CD101: variants seen among roughly 807,000 people sequenced by gnomAD.
CD101 encodes the protein CD101 molecule.
In CD101, 76 loss-of-function variants were observed where a neutral mutation model predicts 98.2. That is an observed-to-expected ratio of 0.77 (90% CI 0.64 to 0.94). The LOEUF (loss-of-function observed/expected upper bound fraction) is 0.94, where lower values mean the gene tolerates loss of function less well. Among genes scored for constraint, CD101 ranks in the 40% least tolerant of loss-of-function variants. The pLI, the probability that CD101 is intolerant of heterozygous loss-of-function variation, is 0.00. For missense variants in CD101, 1,145 were observed against 1,218.8 expected, an observed-to-expected ratio of 0.94 and a Z score of 0.90; for synonymous variants, 471 against 472.7, an observed-to-expected ratio of 1.00 and a Z score of 0.05.
intron 1 of CD101, among the ~76,000 whole-genome samples, 153 bp from the exon 2 acceptor site, chr1:117,009,697 C>T (rs570833595): frequency 1.3e-5 from 2 of 152,298 alleles, no homozygotes; most frequent in South Asian, 4.1e-4. Context: ...TGCTGCTCAG[C>T]CTGAAGAAGA....
At chr1:117,034,532 G>A (rs1250625427) in intron 9 of CD101, among the ~76,000 whole-genome samples, 1 of 152,126 alleles carries the variant, frequency 6.6e-6, no homozygotes, top group African/African-American at 2.4e-5. Context: ...AGGACCTGAT[G>A]CCAGCAAGGA....
chr1:117,029,970 A>T (rs910486961), intron 8 of CD101, among the ~76,000 whole-genome samples: 28 of 152,250 alleles, frequency 1.8e-4, no homozygotes, highest in African/African-American at 4.6e-4. Context: ...GACCCTAGAC[A>T]TTAAATGTCT....
intron 1 of CD101, among the ~76,000 whole-genome samples, chr1:117,002,631 A>G (rs1557761697): frequency 6.6e-6 from 1 of 152,268 alleles, no homozygotes; most frequent in Non-Finnish European, 1.5e-5. Flanking sequence ...AATGCATAAA[A>G]TAAAATGCAT....
At chr1:117,030,363 AG>A (rs1654369165) in intron 8 of CD101, among the ~76,000 whole-genome samples, 1 of 151,334 alleles carries the variant, frequency 6.6e-6, no homozygotes, top group Non-Finnish European at 1.5e-5. Context: ...TCTGGATGAC[AG>A]AGCAAGACAC....
Position 117,022,038 on chromosome 1 carries a change from C to T in CD101, c.2428+55C>T. On this transcript the variant is annotated intron_variant, in intron 7 of 9. Transcript: ENST00000682167. The surrounding 1 kb of genome is among the most constrained non-coding windows in gnomAD (Gnocchi z 4.8). ...TCTGTCTGTCTGACGGCTGTTTTCT[C>T]TTGGGCAGCTGTTCTATGGAGTGAT... 7 of 1,535,134 alleles carry T rather than the reference C, an allele frequency of 4.6e-6. No individual in the cohort carries two copies. In the South Asian group the frequency reaches 9.0e-5, roughly 20 times the overall value.
rs1653269552 is a variant in CD101 at position 117,017,119 on chromosome 1, A to G, written c.1258A>G (p.Lys420Glu). ...ARSVVMSTKN[K>E]QQVVWEGETL... Reference sequence around the variant, plus strand: ...AAGTGTGGTCATGTCTACCAAGAACAAGCAGCAAGTTGTGTGGGAAGGAGA... The same window carrying G: ...AAGTGTGGTCATGTCTACCAAGAACGAGCAGCAAGTTGTGTGGGAAGGAGA... The change falls in exon 5 of 10, where the codon AAG becomes GAG. Residue 420 changes from lysine to glutamate, a missense_variant. Physicochemically the swap from Lys to Glu is moderately conservative, Grantham distance 56. Transcript: ENST00000682167. 6.2e-7 allele frequency: 1 copy of G among 1,614,152 alleles called. No homozygotes were observed.
chr1:117,010,040 T>TGCC lies in CD101; in HGVS notation c.235_237dup (p.Ala79dup). 2 of 1,614,220 alleles carry TGCC rather than the reference T, an allele frequency of 1.2e-6. No homozygotes were observed. Among genetic ancestry groups the TGCC allele is most frequent in the East Asian group, 4.5e-5 (2 of 44,888 alleles). ...TCCAGATCATTAGCACCAAGGATGC[T>TGCC]GCCTTCTCTTACGCAGTATATACGC... On this transcript the variant is annotated inframe_insertion, in exon 2 of 10. Transcript: ENST00000682167. The surrounding 1 kb of genome is among the most constrained non-coding windows in gnomAD (Gnocchi z 5.2).
intron 8 of CD101, chr1:117,032,008 G>A (rs10494195): frequency 0.075 from 11,417 of 152,200 alleles, 466 homozygotes; most frequent in Non-Finnish European, 0.088. Flanking sequence ...AGATAAGACC[G>A]GGGGAGAATA....
chr1:117,022,449 A>G lies in CD101; in HGVS notation c.2428+466A>G, dbSNP rs1653643113. ...TAGCTGCCTAAACATAAGGCAAATA[A>G]GAGTAGTTAACTGTTGGAATGGCTT... On this transcript the variant is annotated intron_variant, in intron 7 of 9. Transcript: ENST00000682167. The surrounding 1 kb of genome is among the most constrained non-coding windows in gnomAD (Gnocchi z 4.8). Among the ~76,000 whole-genome samples the G allele has an allele frequency of 6.6e-6, 1 of 152,190 alleles. No homozygotes were observed. The highest frequency in any genetic ancestry group is 2.4e-5 in the African/African-American group (1 of 41,442).
At chr1:117,035,288 T>G (rs971368865) in intron 9 of CD101, among the ~76,000 whole-genome samples, 1 of 152,198 alleles carries the variant, frequency 6.6e-6, no homozygotes, top group Non-Finnish European at 1.5e-5. Flanking sequence ...CTCGTTAATT[T>G]GCATTTCCAA....
chr1:117,028,107 A>T (rs999330269), intron 8 of CD101, among the ~76,000 whole-genome samples: 2 of 148,160 alleles, frequency 1.3e-5, no homozygotes, highest in South Asian at 2.1e-4. Flanking sequence ...ATAAATAAAT[A>T]AAATAAAATA....
At chr1:117,015,334 A>G (rs1291199178) in intron 4 of CD101, among the ~76,000 whole-genome samples, 1 of 152,198 alleles carries the variant, frequency 6.6e-6, no homozygotes, top group African/African-American at 2.4e-5. Context: ...AATGGCCACA[A>G]TGAACTAAGG....
At chr1:117,024,293 A>G (rs1366887288) in intron 7 of CD101, among the ~76,000 whole-genome samples, 1 of 152,172 alleles carries the variant, frequency 6.6e-6, no homozygotes, top group East Asian at 1.9e-4. Flanking sequence ...CCTGGCCAAC[A>G]TGGTGAAACC....
At chr1:117,014,338 G>A (rs1460657156) in intron 4 of CD101, among the ~76,000 whole-genome samples, 1 of 152,034 alleles carries the variant, frequency 6.6e-6, no homozygotes, top group Non-Finnish European at 1.5e-5. Context: ...GTTGCCTTCT[G>A]TTAGTCTCCT....
chr1:117,009,906 G>T lies in CD101; in HGVS notation c.100G>T (p.Ala34Ser), dbSNP rs1652777788. Residue 34 changes from alanine to serine, a missense_variant, in exon 2 of 10, where the codon GCT becomes TCT. Coordinates refer to ENST00000682167, the MANE Select transcript of CD101 (RefSeq NM_001256106.3). ...AGTTCAGAAAGGACCACTGTTTAGA[G>T]CTGAAGGTTACCCAGTCAGCATTGG... is the stretch of plus-strand genomic sequence containing the variant. ...VTVQKGPLFR[A>S]EGYPVSIGCN... The T allele has an allele frequency of 1.2e-6, 2 of 1,613,918 alleles. No homozygotes were observed. The highest frequency in any genetic ancestry group is 1.7e-5 in the Admixed American group (1 of 60,026).
In CD101 at chr1:117,021,706, T is replaced by C; in HGVS notation, c.2151T>C (p.Pro717=). Residue 717 remains proline (P), a synonymous_variant, in exon 7 of 10, where the codon CCT becomes CCC. Transcript: ENST00000682167. This position sits in a 1 kb window ranked among gnomAD's most constrained non-coding sequence, Gnocchi z 4.7. ...TAGCCATTATTTGGTATTTTTCTCC[T>C]GTTTCCACTAATGCCTCTTGGCTAA... is the stretch of plus-strand genomic sequence containing the variant. ...LQLAIIWYFS[P]VSTNASWLKI... The C allele has an allele frequency of 6.2e-7, 1 of 1,614,230 alleles. No homozygotes were observed. Among genetic ancestry groups the C allele is most frequent in the Non-Finnish European group, 8.5e-7 (1 of 1,180,036 alleles).
At chr1:117,025,308 A>G (rs1653836301) in intron 7 of CD101, among the ~76,000 whole-genome samples, 1 of 152,234 alleles carries the variant, frequency 6.6e-6, no homozygotes, top group Admixed American at 6.5e-5. Flanking sequence ...GGTTGCAGTG[A>G]GCTGAGATCA....
chr1:117,011,856 A>C lies in CD101; in HGVS notation c.731A>C (p.Gln244Pro). The C allele has an allele frequency of 6.2e-7, 1 of 1,614,092 alleles. No homozygotes were observed. Among genetic ancestry groups the C allele is most frequent in the Non-Finnish European group, 8.5e-7 (1 of 1,179,982 alleles). Residue 244 changes from glutamine (Q) to proline (P), a missense_variant, in exon 3 of 10, where the codon CAG (glutamine) becomes CCG (proline). Coordinates refer to ENST00000682167, the MANE Select transcript of CD101 (RefSeq NM_001256106.3). ...LSIERLQSSD[Q>P]GQLFCEATEW... ...ATAGAGAGGCTCCAGTCCTCAGATC[A>C]GGGTCAGCTGTTCTGTGAGGCAACG...
In CD101 at chr1:117,031,393, T is replaced by C. The variant is rs536700233; in HGVS notation, c.2825-2467T>C. ...CTAGCAACTGTAATACCTGGTGCTG[T>C]GGACTCTAACCTCACAATTCTCTGC... is the stretch of plus-strand genomic sequence containing the variant. On this transcript the variant is annotated intron_variant, in intron 8 of 9. Coordinates refer to ENST00000682167, the MANE Select transcript of CD101 (RefSeq NM_001256106.3). 2.0e-5 allele frequency among the ~76,000 whole-genome samples: 3 copies of C among 152,354 alleles called. No individual in the cohort carries two copies. The East Asian group carries it at 5.8e-4, about 29-fold the overall frequency.
Sources: gnomAD v4.1 joint callset for allele counts (sites outside exome capture counted in the v4.1 genomes callset) on GRCh38, gnomAD v4.1.1 for gene constraint, Gnocchi (gnomAD v3.1) non-coding constraint, MANE v1.5 for transcripts, NCBI Gene and HGNC (gene_info 2026-07-23, HGNC 2026-07-21) for gene names.